The following CACNA2D1 variants were observed in gnomAD, a reference collection of about 807,000 sequenced individuals.
CACNA2D1 encodes the protein voltage-dependent calcium channel subunit alpha-2/delta-1.
In CACNA2D1, 53 loss-of-function variants were observed where a neutral mutation model predicts 171.5. The observed-to-expected ratio is 0.31, with a 90% CI of 0.25 to 0.39. The LOEUF is 0.39. Ranked by LOEUF, CACNA2D1 falls within the 10% of genes least tolerant of loss-of-function variation. The pLI, the probability that CACNA2D1 is intolerant of heterozygous loss-of-function variation, is 1.00. For synonymous variants in CACNA2D1, 442 were observed against 443.1 expected (o/e 1.00, Z 0.03); for missense variants, 903 against 1,299.8 (o/e 0.69, Z 4.69).
chr7:82,244,145 A>G (rs1225450476), intron 3 of CACNA2D1, among the ~76,000 whole-genome samples: 1 of 152,154 alleles, frequency 6.6e-6, no homozygotes, highest in Non-Finnish European at 1.5e-5. Context: ...TAAACTTCTC[A>G]AGGGAAAACA....
chr7:81,969,053 T>G, intron 28 of CACNA2D1, 80 bp from the exon 29 acceptor site: 3 of 843,648 alleles, frequency 3.6e-6, no homozygotes, highest in Non-Finnish European at 5.8e-6. Flanking sequence ...TAGATACAAA[T>G]GGATAGTATT....
At chr7:81,997,127 G>A in intron 19 of CACNA2D1, 52 bp downstream of exon 19, 1 of 956,194 alleles carries the variant, frequency 1.0e-6, no homozygotes, top group East Asian at 2.4e-5. Context: ...TAGAATGAGT[G>A]CATACCAGCA....
intron 37 of CACNA2D1, 111 bp from the exon 38 acceptor site, chr7:81,959,468 T>C (rs1034932126): frequency 7.4e-6 from 6 of 809,252 alleles, no homozygotes; most frequent in Admixed American, 1.9e-5. Context: ...TATACATCAT[T>C]ACTCTCATCC....
intron 4 of CACNA2D1, among the ~76,000 whole-genome samples, chr7:82,168,476 A>G (rs969900367): frequency 2.6e-5 from 4 of 152,138 alleles, no homozygotes; most frequent in Non-Finnish European, 5.9e-5. Context: ...ACTAAAATAA[A>G]TAGAATGACT....
At chr7:81,980,191 A>G (rs1584272600) in intron 24 of CACNA2D1, among the ~76,000 whole-genome samples, 2 of 148,576 alleles carry the variant, frequency 1.3e-5, no homozygotes, top group East Asian at 1.9e-4. Context: ...AAAAAAAAAA[A>G]AAAAAAAAAG....
intron 30 of CACNA2D1, 60 bp from the exon 31 acceptor site, chr7:81,967,267 T>C (rs1794805400): frequency 4.0e-6 from 5 of 1,252,964 alleles, no homozygotes; most frequent in Non-Finnish European, 4.7e-6. Flanking sequence ...AATTATATTA[T>C]TACCATGTTA....
chr7:82,291,271 GTATA>G (rs1811528230), intron 3 of CACNA2D1, among the ~76,000 whole-genome samples: 1 of 136,392 alleles, frequency 7.3e-6, no homozygotes, highest in Admixed American at 7.6e-5. Flanking sequence ...AGAATATAGT[GTATA>G]TATAATTCCT....
chr7:82,319,962 C>T (rs1034866576), intron 3 of CACNA2D1, among the ~76,000 whole-genome samples: 2 of 152,098 alleles, frequency 1.3e-5, no homozygotes, highest in Non-Finnish European at 2.9e-5. Flanking sequence ...AGCAGGAGCA[C>T]TCATCCACAC....
chr7:82,096,031 C>T (rs1175357887), intron 6 of CACNA2D1, among the ~76,000 whole-genome samples: 1 of 152,096 alleles, frequency 6.6e-6, no homozygotes, highest in African/African-American at 2.4e-5. Context: ...AATGTATGTG[C>T]TTCATTTTCT....
chr7:82,048,591 T>C (rs1466536193), intron 10 of CACNA2D1, among the ~76,000 whole-genome samples: 1 of 152,148 alleles, frequency 6.6e-6, no homozygotes, highest in African/African-American at 2.4e-5. Flanking sequence ...GAAATAGATT[T>C]TTATTCAACA....
At chr7:81,971,527 A>G (rs1795272964) in intron 26 of CACNA2D1, among the ~76,000 whole-genome samples, 2 of 151,658 alleles carry the variant, frequency 1.3e-5, no homozygotes, top group African/African-American at 4.8e-5. Flanking sequence ...ACACACAATC[A>G]TGCCCATTTA....
intron 12 of CACNA2D1, among the ~76,000 whole-genome samples, chr7:82,015,666 A>C (rs1015569102): frequency 1.3e-5 from 2 of 152,200 alleles, no homozygotes; most frequent in Non-Finnish European, 2.9e-5. Flanking sequence ...TCACTTTTCC[A>C]TGAGTTCAAA....
chr7:82,020,145 T>A (rs543643739), intron 12 of CACNA2D1, among the ~76,000 whole-genome samples: 15 of 152,330 alleles, frequency 9.8e-5, no homozygotes, highest in Middle Eastern at 3.4e-3. Context: ...GTTTTGGTGA[T>A]CCACCTTAGC....
intron 10 of CACNA2D1, among the ~76,000 whole-genome samples, chr7:82,049,141 A>AC: frequency 6.6e-6 from 1 of 151,152 alleles, no homozygotes; most frequent in Non-Finnish European, 1.5e-5. Flanking sequence ...AAAAAAAAAA[A>AC]AGAAAAATCC....
intron 6 of CACNA2D1, among the ~76,000 whole-genome samples, chr7:82,098,461 G>A (rs1221757500): frequency 6.6e-6 from 1 of 152,096 alleles, no homozygotes; most frequent in Non-Finnish European, 1.5e-5. Flanking sequence ...CATTATTGAT[G>A]TAAATCATGT....
intron 3 of CACNA2D1, among the ~76,000 whole-genome samples, chr7:82,231,107 C>T (rs997550228): frequency 5.3e-5 from 8 of 152,230 alleles, no homozygotes; most frequent in African/African-American, 1.7e-4. Context: ...CAGACTTCCT[C>T]GCCCTTCCTT....
At position 82,429,472 on chromosome 7, in the gene CACNA2D1, T is replaced by C. The variant is rs376443077; in HGVS notation, c.95+13893A>G. On this transcript the variant is annotated intron_variant, in intron 1 of 38. Coordinates refer to ENST00000356860, the MANE Select transcript of CACNA2D1 (RefSeq NM_000722.4). ...CCCTGTGCATATTACAAGAATAGAG[T>C]CCAGGAGCCAATTTACTTCACATGT... 5.9e-5 allele frequency among the ~76,000 whole-genome samples: 9 copies of C among 152,036 alleles called. No individual in the cohort carries two copies. In the East Asian group the frequency reaches 7.8e-4, roughly 13 times the overall value.
intron 38 of CACNA2D1, among the ~76,000 whole-genome samples, chr7:81,956,771 A>C (rs1793413968): frequency 6.6e-6 from 1 of 152,130 alleles, no homozygotes; most frequent in Non-Finnish European, 1.5e-5. Context: ...AACCAATGAC[A>C]AACACAACGA....
intron 1 of CACNA2D1, among the ~76,000 whole-genome samples, chr7:82,358,563 G>A (rs1321819815): frequency 6.6e-6 from 1 of 152,112 alleles, no homozygotes; most frequent in East Asian, 1.9e-4. Flanking sequence ...AGGCAGAAAA[G>A]GATGTACTCA....
Sources: allele counts gnomAD v4.1 joint callset (sites outside exome capture counted in the v4.1 genomes callset), GRCh38; gene constraint gnomAD v4.1.1; transcripts MANE v1.5; gene names NCBI Gene and HGNC (gene_info 2026-07-23, HGNC 2026-07-21).